Variants in ANAPC10 observed in about 807,000 individuals in gnomAD.
ANAPC10 encodes the protein anaphase promoting complex subunit 10, also known as anaphase-promoting complex subunit 10.
ANAPC10 carries 12 observed loss-of-function variants against 22.0 expected under a neutral mutation model. The ratio of observed to expected loss-of-function variants is 0.55; its 90% CI spans 0.35 to 0.88. ANAPC10 has a LOEUF of 0.88. Ranked by LOEUF, ANAPC10 falls within the 40% of genes least tolerant of loss-of-function variation. The pLI is 0.01. For synonymous variants in ANAPC10, 65 were observed against 69.5 expected (o/e 0.94, Z 0.32); for missense variants, 188 against 220.9 (o/e 0.85, Z 0.94).
intron 4 of ANAPC10, among the ~76,000 whole-genome samples, chr4:145,044,231 T>C (rs149350411): frequency 6.6e-6 from 1 of 152,152 alleles, no homozygotes; most frequent in Non-Finnish European, 1.5e-5. Flanking sequence ...ATTATAGCAA[T>C]GTGTTTGACA....
At chr4:145,092,655 TAA>T (rs1224511672) in intron 2 of ANAPC10, among the ~76,000 whole-genome samples, 1 of 152,006 alleles carries the variant, frequency 6.6e-6, no homozygotes, top group South Asian at 2.1e-4. Flanking sequence ...ACTTTACACA[TAA>T]AGACTGGGAG....
Position 145,094,799 on chromosome 4 carries a change from GA to G in ANAPC10, c.115+1185del, listed in dbSNP as rs796841890. Reference sequence around the variant, plus strand: ...TTCCAGAAAAAAACAAGTTACTTAGGAAAAAAAAAAAAGAGAGGTAGGCATA... The same window carrying G: ...TTCCAGAAAAAAACAAGTTACTTAGGAAAAAAAAAAAGAGAGGTAGGCATA... On this transcript the variant is annotated intron_variant, in intron 2 of 4. Coordinates refer to ENST00000507656, the MANE Select transcript of ANAPC10 (RefSeq NM_001256706.2). 5.3e-3 allele frequency among the ~76,000 whole-genome samples: 724 copies of G among 137,420 alleles called. 3 individuals are homozygous for G. The highest frequency in any genetic ancestry group is 0.016 in the African/African-American group (620 of 37,578). 90.2% of individuals were successfully genotyped at this position (137,420 alleles called of 152,430 possible).
chr4:145,023,742 T>A (rs1736278775), intron 4 of ANAPC10, among the ~76,000 whole-genome samples: 1 of 152,214 alleles, frequency 6.6e-6, no homozygotes, highest in South Asian at 2.1e-4. Flanking sequence ...TTTGCTGGTG[T>A]AAGGTCTTGC....
intron 3 of ANAPC10, among the ~76,000 whole-genome samples, chr4:145,069,358 C>T (rs953407961): frequency 2.6e-5 from 4 of 152,138 alleles, no homozygotes; most frequent in Admixed American, 6.6e-5. Flanking sequence ...AGAAAAAACT[C>T]CAGAAATATG....
intron 4 of ANAPC10, among the ~76,000 whole-genome samples, chr4:145,050,484 C>CA (rs1367017876): frequency 2.0e-5 from 3 of 152,210 alleles, no homozygotes; most frequent in Non-Finnish European, 4.4e-5. Context: ...CAGCCCCTAA[C>CA]AAAAGAGCCA....
At chr4:145,094,031 G>A (rs1038357058) in intron 2 of ANAPC10, among the ~76,000 whole-genome samples, 16 of 152,176 alleles carry the variant, frequency 1.1e-4, no homozygotes, top group African/African-American at 3.6e-4. Context: ...GACACAATTT[G>A]GAAGCGGTCC....
In ANAPC10 at chr4:145,064,563, A is replaced by AAGAC; in HGVS notation, c.327+5_327+8dup. 6.3e-7 allele frequency: 1 copy of AAGAC among 1,598,336 alleles called. No homozygotes were observed. ...GGATGACATATTTTTAAAAATTTGA[A>AAGAC]AGACATACCCGAATTTCTTGAAGGT... is the stretch of plus-strand genomic sequence containing the variant. On this transcript the variant is annotated intron_variant, in intron 4 of 4. Coordinates refer to ENST00000507656, the MANE Select transcript of ANAPC10 (RefSeq NM_001256706.2).
At chr4:145,030,851 C>T (rs546910943) in intron 4 of ANAPC10, among the ~76,000 whole-genome samples, 1 of 152,310 alleles carries the variant, frequency 6.6e-6, no homozygotes, top group African/African-American at 2.4e-5. Flanking sequence ...ACTTGAAGGA[C>T]GTGGGGGTGG....
chr4:145,089,308 C>A (rs956783777), intron 2 of ANAPC10, among the ~76,000 whole-genome samples: 2 of 149,770 alleles, frequency 1.3e-5, no homozygotes, highest in Non-Finnish European at 3.0e-5. Context: ...TCAATGTCTT[C>A]AAAAAAAAAC....
chr4:145,014,776 T>G (rs1734849002), intron 4 of ANAPC10, among the ~76,000 whole-genome samples: 1 of 152,046 alleles, frequency 6.6e-6, no homozygotes, highest in Non-Finnish European at 1.5e-5. Context: ...GTGCAGACAA[T>G]GCCCAGTACC....
intron 3 of ANAPC10, among the ~76,000 whole-genome samples, chr4:145,081,108 T>G (rs1257624931): frequency 6.6e-6 from 1 of 151,860 alleles, no homozygotes; most frequent in African/African-American, 2.4e-5. Context: ...CTGTCTCTTA[T>G]TTAAAATTTT....
chr4:145,045,171 A>G (rs1407559703), intron 4 of ANAPC10, among the ~76,000 whole-genome samples: 1 of 152,066 alleles, frequency 6.6e-6, no homozygotes, highest in African/African-American at 2.4e-5. Flanking sequence ...ATTTTTTTAA[A>G]AACACACCCA....
At chr4:145,067,067 T>G (rs1416836953) in intron 3 of ANAPC10, among the ~76,000 whole-genome samples, 2 of 152,126 alleles carry the variant, frequency 1.3e-5, no homozygotes, top group Non-Finnish European at 2.9e-5. Context: ...TTCATTAAAT[T>G]TGCATAGGAA....
intron 4 of ANAPC10, among the ~76,000 whole-genome samples, chr4:145,012,415 T>C (rs1163258660): frequency 2.0e-5 from 3 of 151,682 alleles, no homozygotes; most frequent in Non-Finnish European, 4.4e-5. Flanking sequence ...GCTTAAGAAA[T>C]GAGGCAAAAA....
At chr4:145,030,520 C>T (rs577171681) in intron 4 of ANAPC10, among the ~76,000 whole-genome samples, 34 of 152,254 alleles carry the variant, frequency 2.2e-4, no homozygotes, top group African/African-American at 8.2e-4. Flanking sequence ...TTCGGTCCTC[C>T]AGTTAAAGCA....
At chr4:145,015,814 G>T (rs1245336284) in intron 4 of ANAPC10, among the ~76,000 whole-genome samples, 3 of 152,078 alleles carry the variant, frequency 2.0e-5, no homozygotes, top group Non-Finnish European at 4.4e-5. Flanking sequence ...TATCAGCCAA[G>T]AATTTTGTAT....
intron 4 of ANAPC10, among the ~76,000 whole-genome samples, chr4:145,040,613 G>A (rs577621124): frequency 3.3e-4 from 51 of 152,242 alleles, no homozygotes; most frequent in African/African-American, 1.2e-3. Flanking sequence ...GGTAACTGAA[G>A]TTCATAGAAA....
At chr4:145,057,825 G>A (rs6840411) in intron 4 of ANAPC10, among the ~76,000 whole-genome samples, 149,856 of 152,260 alleles carry the variant, frequency 0.98, 73,782 homozygotes, top group East Asian at 1. Context: ...GCCCCTTTCT[G>A]CTTATTCAAA....
chr4:145,055,190 G>A (rs1741867850), intron 4 of ANAPC10, among the ~76,000 whole-genome samples: 2 of 152,154 alleles, frequency 1.3e-5, no homozygotes, highest in Non-Finnish European at 2.9e-5. Context: ...AACAACCCAA[G>A]TGACCACTGA....
Sources: allele counts gnomAD v4.1 joint callset (sites outside exome capture counted in the v4.1 genomes callset), GRCh38; gene constraint gnomAD v4.1.1; transcripts MANE v1.5; gene names NCBI Gene and HGNC (gene_info 2026-07-23, HGNC 2026-07-21).